Variants in EEIG2 observed in about 807,000 individuals in gnomAD.
EEIG2 encodes the protein EEIG family member 2, also known as family with sequence similarity 102 member B.
the EEIG2 span, among the ~76,000 whole-genome samples, chr1:108,623,709 T>A: frequency 2.0e-5 from 3 of 152,124 alleles, no homozygotes; most frequent in African/African-American, 7.2e-5. Flanking sequence ...TCTCGCTCTG[T>A]CGCCCAGGCT....
the EEIG2 span, among the ~76,000 whole-genome samples, chr1:108,588,499 T>C: frequency 1.3e-5 from 2 of 152,320 alleles, no homozygotes; most frequent in Non-Finnish European, 2.9e-5. Flanking sequence ...CATTTGTATG[T>C]CTTCTTTTTT....
At chr1:108,588,015 A>G in the EEIG2 span, among the ~76,000 whole-genome samples, 7 of 152,092 alleles carry the variant, frequency 4.6e-5, no homozygotes, top group South Asian at 2.1e-4. Context: ...TGGTTCATCT[A>G]TGTTGTCACA....
chr1:108,583,317 AT>A, the EEIG2 span, among the ~76,000 whole-genome samples: 1 of 151,118 alleles, frequency 6.6e-6, no homozygotes, highest in Non-Finnish European at 1.5e-5. Context: ...CTAATATTGT[AT>A]TTTTTTTGTA....
the EEIG2 span, among the ~76,000 whole-genome samples, chr1:108,604,489 G>A: frequency 6.6e-6 from 1 of 152,160 alleles, no homozygotes; most frequent in Admixed American, 6.5e-5. Context: ...GGATGATTGG[G>A]ATATGACTAG....
At chr1:108,637,375 T>G in the EEIG2 span, 1 of 152,124 alleles carries the variant, frequency 6.6e-6, no homozygotes, top group East Asian at 1.9e-4. Context: ...GTGTTCAAAT[T>G]TCAGTGCAGT....
chr1:108,603,356 G>T, the EEIG2 span, among the ~76,000 whole-genome samples: 1 of 152,172 alleles, frequency 6.6e-6, no homozygotes, highest in Non-Finnish European at 1.5e-5. Context: ...AACCAAAGAG[G>T]AGGGGCCTTG....
At chr1:108,593,382 G>T in the EEIG2 span, among the ~76,000 whole-genome samples, 1 of 152,176 alleles carries the variant, frequency 6.6e-6, no homozygotes, top group Non-Finnish European at 1.5e-5. Flanking sequence ...TGTTTCAACT[G>T]TCCCTCTCTT....
chr1:108,610,705 C>T, the EEIG2 span, among the ~76,000 whole-genome samples: 5 of 151,974 alleles, frequency 3.3e-5, no homozygotes, highest in Non-Finnish European at 5.9e-5. Flanking sequence ...CTAAGGCAGG[C>T]GGATCACGAG....
chr1:108,616,490 AAATTTTT>A, the EEIG2 span: 1 of 1,095,588 alleles, frequency 9.1e-7, no homozygotes, highest in Non-Finnish European at 1.4e-6. Flanking sequence ...TTATTTGTTT[AAATTTTT>A]ACATTAATAT....
the EEIG2 span, among the ~76,000 whole-genome samples, chr1:108,634,772 A>G: frequency 6.6e-6 from 1 of 152,186 alleles, no homozygotes; most frequent in Non-Finnish European, 1.5e-5. Flanking sequence ...CAGAGTCAAC[A>G]TATGCTCTTG....
chr1:108,565,335 T>C, the EEIG2 span, among the ~76,000 whole-genome samples: 1 of 152,160 alleles, frequency 6.6e-6, no homozygotes, highest in African/African-American at 2.4e-5. Context: ...TTAGACTATG[T>C]CGTATAGCCT....
chr1:108,601,899 G>A, the EEIG2 span, among the ~76,000 whole-genome samples: 1 of 152,184 alleles, frequency 6.6e-6, no homozygotes, highest in Non-Finnish European at 1.5e-5. Context: ...ACTATTCCAG[G>A]CACTGGGAGG....
chr1:108,622,367 C>A, the EEIG2 span, among the ~76,000 whole-genome samples: 1 of 152,052 alleles, frequency 6.6e-6, no homozygotes, highest in Non-Finnish European at 1.5e-5. Flanking sequence ...AGCAAGGAGA[C>A]CCTTGCAGTC....
At chr1:108,587,958 A>G in the EEIG2 span, among the ~76,000 whole-genome samples, 1 of 152,036 alleles carries the variant, frequency 6.6e-6, no homozygotes, top group Non-Finnish European at 1.5e-5. Flanking sequence ...ATTATGTGAT[A>G]TTTGTCTTTC....
At chr1:108,612,141 A>G in the EEIG2 span, 3 of 1,411,868 alleles carry the variant, frequency 2.1e-6, no homozygotes, top group Non-Finnish European at 3.0e-6. Context: ...GAAGCCTACT[A>G]GATAGTCTAT....
the EEIG2 span, among the ~76,000 whole-genome samples, chr1:108,599,729 C>T: frequency 2.0e-5 from 3 of 152,218 alleles, no homozygotes; most frequent in African/African-American, 4.8e-5. Context: ...ACGAGGCTCA[C>T]GCCTATGATC....
the EEIG2 span, among the ~76,000 whole-genome samples, chr1:108,572,675 G>T: frequency 6.6e-6 from 1 of 152,030 alleles, no homozygotes; most frequent in Non-Finnish European, 1.5e-5. Flanking sequence ...GAGTGCAATG[G>T]TGCGATCTCG....
chr1:108,599,535 G>A, the EEIG2 span, among the ~76,000 whole-genome samples: 2 of 152,096 alleles, frequency 1.3e-5, no homozygotes, highest in African/African-American at 4.8e-5. Context: ...AGAACAGTAT[G>A]TACAAAGGCC....
the EEIG2 span, chr1:108,635,110 T>G: frequency 6.2e-7 from 1 of 1,613,934 alleles, no homozygotes; most frequent in Middle Eastern, 1.6e-4. Flanking sequence ...TGTTTTAGGG[T>G]GGGGTCTGGA....
Sources: allele counts gnomAD v4.1 joint callset (sites outside exome capture counted in the v4.1 genomes callset), GRCh38; gene constraint gnomAD v4.1.1; transcripts MANE v1.5; gene names NCBI Gene and HGNC (gene_info 2026-07-23, HGNC 2026-07-21).